The following PRKCE variants were observed in gnomAD, a reference collection of about 807,000 sequenced individuals.
The protein encoded by PRKCE is protein kinase C epsilon, also known as protein kinase C epsilon type.
A neutral mutation model predicts 85.4 loss-of-function variants in PRKCE; 16 were observed. The ratio of observed to expected loss-of-function variants is 0.19; its 90% CI spans 0.13 to 0.28. The LOEUF (loss-of-function observed/expected upper bound fraction) is 0.28. Ranked by LOEUF, PRKCE falls within the 10% of genes least tolerant of loss-of-function variation. The pLI, the probability that PRKCE is intolerant of heterozygous loss-of-function variation, is 1.00. For missense variants in PRKCE, 573 were observed against 975.2 expected, an observed-to-expected ratio of 0.59 and a Z score of 5.49; for synonymous variants, 388 against 371.5, an observed-to-expected ratio of 1.04 and a Z score of -0.51.
chr2:46,144,798 G>A (rs1279259219), intron 11 of PRKCE, among the ~76,000 whole-genome samples: 1 of 152,174 alleles, frequency 6.6e-6, no homozygotes, highest in Admixed American at 6.5e-5. Flanking sequence ...GAATGTGGGT[G>A]CATAGCAGGG....
intron 2 of PRKCE, among the ~76,000 whole-genome samples, chr2:45,864,792 T>C (rs903703552): frequency 6.6e-6 from 1 of 152,202 alleles, no homozygotes; most frequent in Non-Finnish European, 1.5e-5. Flanking sequence ...GTACTTGCTT[T>C]CATAATCATC....
chr2:45,688,063 T>G (rs1312653439), intron 1 of PRKCE, among the ~76,000 whole-genome samples: 1 of 152,232 alleles, frequency 6.6e-6, no homozygotes, highest in Non-Finnish European at 1.5e-5. Flanking sequence ...TAGGGCCATT[T>G]TCTTGACACC....
At chr2:45,978,181 C>T (rs12464563) in intron 3 of PRKCE, 94,351 of 152,156 alleles carry the variant, frequency 0.62, 30,594 homozygotes, top group African/African-American at 0.81. Context: ...TCACTTGCTA[C>T]ATTTGGTCAT....
chr2:46,167,193 G>T (rs990318875), intron 14 of PRKCE, among the ~76,000 whole-genome samples: 1 of 152,128 alleles, frequency 6.6e-6, no homozygotes, highest in African/African-American at 2.4e-5. Context: ...GGAATCAGAT[G>T]CAACCAGGTT....
chr2:45,817,521 G>T (rs550581778), intron 1 of PRKCE, among the ~76,000 whole-genome samples: 15 of 131,584 alleles, frequency 1.1e-4, no homozygotes, highest in Non-Finnish European at 3.3e-5. Flanking sequence ...GTGAAACCCC[G>T]TCTCTAATAA....
chr2:45,979,360 A>G (rs750156622), intron 4 of PRKCE, among the ~76,000 whole-genome samples: 2 of 152,114 alleles, frequency 1.3e-5, no homozygotes, highest in Non-Finnish European at 2.9e-5. Context: ...GGGTCTGTGT[A>G]TTCTGCCAGA....
intron 1 of PRKCE, among the ~76,000 whole-genome samples, chr2:45,742,659 G>A (rs997499737): frequency 3.3e-5 from 5 of 152,314 alleles, no homozygotes; most frequent in African/African-American, 1.2e-4. Context: ...TGGTGAGGAT[G>A]TGGAGAAAAA....
In PRKCE at chr2:46,139,253, C is replaced by T. The variant is rs555050755; in HGVS notation, c.1593-5840C>T. Among the ~76,000 whole-genome samples, 30 of 152,172 alleles carry T rather than the reference C, an allele frequency of 2.0e-4. No homozygotes were observed. Among genetic ancestry groups the T allele is most frequent in the African/African-American group, 6.7e-4 (28 of 41,510 alleles). On this transcript the variant is annotated intron_variant, in intron 11 of 14. Coordinates refer to ENST00000306156, the MANE Select transcript of PRKCE (RefSeq NM_005400.3). The surrounding 1 kb of genome is among the most constrained non-coding windows in gnomAD (Gnocchi z 5.2). ...GAAGAGGTAAATTAATCATTAATAG[C>T]AGACAATTTGAAAAATCCAGGAGAA...
intron 1 of PRKCE, among the ~76,000 whole-genome samples, chr2:45,678,150 G>T (rs926426405): frequency 6.6e-5 from 10 of 152,186 alleles, no homozygotes; most frequent in Non-Finnish European, 1.2e-4. Context: ...GTGTGCATAT[G>T]TGAATACATA....
chr2:45,736,298 A>G (rs1321016152), intron 1 of PRKCE, among the ~76,000 whole-genome samples: 1 of 152,042 alleles, frequency 6.6e-6, no homozygotes, highest in East Asian at 1.9e-4. Context: ...GAGATGGCAA[A>G]CTGAGGCTGT....
At chr2:45,677,831 G>T in intron 1 of PRKCE, 3 of 985,432 alleles carry the variant, frequency 3.0e-6, no homozygotes, top group Non-Finnish European at 3.6e-6. Context: ...TTCTGTTTCA[G>T]AGACACAACC....
At chr2:45,896,710 T>C (rs908769366) in intron 2 of PRKCE, among the ~76,000 whole-genome samples, 2 of 152,184 alleles carry the variant, frequency 1.3e-5, no homozygotes, top group African/African-American at 4.8e-5. Context: ...AATCCTGAGA[T>C]TGAATATGCT....
At chr2:45,803,776 A>G (rs1269652083) in intron 1 of PRKCE, among the ~76,000 whole-genome samples, 1 of 152,212 alleles carries the variant, frequency 6.6e-6, no homozygotes, top group African/African-American at 2.4e-5. Context: ...ATGTTTTAAT[A>G]ACAGAGTGCT....
chr2:45,813,525 C>G (rs1219546336), intron 1 of PRKCE, among the ~76,000 whole-genome samples: 1 of 152,142 alleles, frequency 6.6e-6, no homozygotes, highest in Non-Finnish European at 1.5e-5. Context: ...CTGGCAGACA[C>G]CATGTGGGAC....
At chr2:45,878,342 C>A (rs766816929) in intron 2 of PRKCE, among the ~76,000 whole-genome samples, 5 of 152,310 alleles carry the variant, frequency 3.3e-5, no homozygotes, top group Non-Finnish European at 5.9e-5. Flanking sequence ...CACCTTATAA[C>A]AAGTTTAGGG....
chr2:46,167,928 A>G (rs1388079792), intron 14 of PRKCE: 1 of 152,206 alleles, frequency 6.6e-6, no homozygotes, highest in Non-Finnish European at 1.5e-5. Context: ...GCAGGCTCCC[A>G]AATATTTCTA....
chr2:46,010,717 G>C, intron 10 of PRKCE, 200 bp downstream of exon 10: 1 of 1,598,442 alleles, frequency 6.3e-7, no homozygotes, highest in Non-Finnish European at 8.5e-7. Context: ...TTGTGCTTGT[G>C]AAGGGATGAG....
At chr2:45,673,765 C>T (rs1255972171) in intron 1 of PRKCE, among the ~76,000 whole-genome samples, 1 of 152,190 alleles carries the variant, frequency 6.6e-6, no homozygotes, top group Non-Finnish European at 1.5e-5. Flanking sequence ...AACAAGGCCC[C>T]TATTAGCCAG....
intron 2 of PRKCE, among the ~76,000 whole-genome samples, chr2:45,954,842 AAC>A (rs1186828134): frequency 6.6e-6 from 1 of 152,168 alleles, no homozygotes; most frequent in African/African-American, 2.4e-5. Context: ...TGCAAGAAAA[AAC>A]ACAGTGATTG....
Sources: allele counts gnomAD v4.1 joint callset (sites outside exome capture counted in the v4.1 genomes callset), GRCh38; gene constraint gnomAD v4.1.1; non-coding constraint Gnocchi (gnomAD v3.1); transcripts MANE v1.5; gene names NCBI Gene and HGNC (gene_info 2026-07-23, HGNC 2026-07-21).